Variants in SUGCT observed in about 807,000 individuals in gnomAD.
SUGCT encodes succinyl-CoA:glutarate-CoA transferase, also known as succinyl-CoA:glutarate CoA-transferase.
SUGCT carries 41 observed loss-of-function variants against 55.0 expected under a neutral mutation model. That is an observed-to-expected ratio of 0.74 (90% CI 0.58 to 0.97). The LOEUF (loss-of-function observed/expected upper bound fraction) is 0.97, where lower values mean the gene tolerates loss of function less well. Among genes scored for constraint, SUGCT ranks in the 50% least tolerant of loss-of-function variants. The probability of loss-of-function intolerance (pLI) is 0.00; values close to 1 mark genes in which losing one functional copy is unlikely to be tolerated. For missense variants in SUGCT, 568 were observed against 547.8 expected, an observed-to-expected ratio of 1.04 and a Z score of -0.37; for synonymous variants, 187 against 200.4, an observed-to-expected ratio of 0.93 and a Z score of 0.56.
the SUGCT span, among the ~76,000 whole-genome samples, chr7:40,870,978 A>G: frequency 4.6e-5 from 7 of 152,268 alleles, no homozygotes; most frequent in East Asian, 1.4e-3. Context: ...CTTTCTGTCA[A>G]TACAAGATGT....
chr7:40,417,578 A>G (rs1177575650), intron 9 of SUGCT, among the ~76,000 whole-genome samples: 3 of 151,848 alleles, frequency 2.0e-5, no homozygotes, highest in African/African-American at 7.2e-5. Context: ...ATGATTTTCC[A>G]TGTGTTGAAT....
intron 13 of SUGCT, among the ~76,000 whole-genome samples, chr7:40,827,076 T>C (rs1792352217): frequency 1.3e-5 from 2 of 152,080 alleles, no homozygotes; most frequent in Admixed American, 1.3e-4. Flanking sequence ...TCCTGACGAA[T>C]GAAAAGGAAT....
intron 13 of SUGCT, among the ~76,000 whole-genome samples, chr7:40,778,242 A>G (rs975418365): frequency 6.6e-6 from 1 of 151,040 alleles, no homozygotes; most frequent in African/African-American, 2.4e-5. Flanking sequence ...AGACTCTAGT[A>G]TACCTGTGCT....
At chr7:40,326,648 A>G (rs1309366704) in intron 9 of SUGCT, among the ~76,000 whole-genome samples, 1 of 152,188 alleles carries the variant, frequency 6.6e-6, no homozygotes, top group Non-Finnish European at 1.5e-5. Flanking sequence ...GCATTATTAA[A>G]ATTAATAGAG....
At chr7:40,867,098 G>A in the SUGCT span, among the ~76,000 whole-genome samples, 32,356 of 149,556 alleles carry the variant, frequency 0.22, 4,328 homozygotes, top group East Asian at 0.74. Context: ...TTTACAAGAC[G>A]CATCCATGTA....
intron 6 of SUGCT, among the ~76,000 whole-genome samples, chr7:40,223,694 G>T (rs1315475610): frequency 2.0e-5 from 3 of 152,064 alleles, no homozygotes; most frequent in South Asian, 4.2e-4. Context: ...TCTCACTTTG[G>T]GCAGTTCAAA....
chr7:40,594,324 A>T (rs980086014), intron 12 of SUGCT, among the ~76,000 whole-genome samples: 2 of 132,682 alleles, frequency 1.5e-5, no homozygotes, highest in East Asian at 2.5e-4. Context: ...TTAAAGTATA[A>T]AAAAAAAAAA....
chr7:40,521,309 T>A (rs1320693924), intron 12 of SUGCT, among the ~76,000 whole-genome samples: 1 of 152,168 alleles, frequency 6.6e-6, no homozygotes, highest in African/African-American at 2.4e-5. Flanking sequence ...GTGCTTTCCC[T>A]GCCTATCTTT....
chr7:40,156,432 C>T (rs192570023), intron 1 of SUGCT, among the ~76,000 whole-genome samples: 95 of 152,158 alleles, frequency 6.2e-4, no homozygotes, highest in African/African-American at 2.2e-3. Flanking sequence ...TACTGCACTC[C>T]AGCCTGGGCG....
intron 13 of SUGCT, among the ~76,000 whole-genome samples, chr7:40,762,770 T>G (rs1488466856): frequency 6.6e-6 from 1 of 152,118 alleles, no homozygotes; most frequent in Non-Finnish European, 1.5e-5. Context: ...CCAAGCTGAA[T>G]TATAGTAATA....
At chr7:40,375,359 A>G (rs1369546110) in intron 9 of SUGCT, among the ~76,000 whole-genome samples, 3 of 152,186 alleles carry the variant, frequency 2.0e-5, no homozygotes, top group Non-Finnish European at 2.9e-5. Context: ...AGTCCCTTTG[A>G]TTGGAAACTT....
chr7:40,985,038 G>A, the SUGCT span, among the ~76,000 whole-genome samples: 5 of 152,160 alleles, frequency 3.3e-5, no homozygotes, highest in South Asian at 2.1e-4. Context: ...CCATTTTTAC[G>A]TGGACAGGCT....
At chr7:40,208,686 A>G (rs2150785789) in intron 6 of SUGCT, among the ~76,000 whole-genome samples, 1 of 152,078 alleles carries the variant, frequency 6.6e-6, no homozygotes, top group Non-Finnish European at 1.5e-5. Context: ...CTGGGACTAC[A>G]GGTGCACACC....
At chr7:40,227,855 A>G (rs1788472279) in intron 6 of SUGCT, among the ~76,000 whole-genome samples, 2 of 150,672 alleles carry the variant, frequency 1.3e-5, no homozygotes, top group Non-Finnish European at 3.0e-5. Context: ...TATTTTATTT[A>G]TTTGTTATTT....
At chr7:40,941,731 T>G in the SUGCT span, among the ~76,000 whole-genome samples, 1 of 152,130 alleles carries the variant, frequency 6.6e-6, no homozygotes, top group East Asian at 1.9e-4. Flanking sequence ...AATAATTGTT[T>G]TATAAATCTG....
the SUGCT span, among the ~76,000 whole-genome samples, chr7:41,027,935 T>G: frequency 6.6e-6 from 1 of 152,176 alleles, no homozygotes; most frequent in East Asian, 1.9e-4. Context: ...ACCTTCTGCC[T>G]CTGTGCAAGC....
chr7:40,658,713 T>C (rs1801149402), intron 12 of SUGCT, among the ~76,000 whole-genome samples: 1 of 152,216 alleles, frequency 6.6e-6, no homozygotes, highest in African/African-American at 2.4e-5. Flanking sequence ...GTCCCCTTTG[T>C]TGTGAGTACT....
chr7:40,803,407 A>G (rs1348499415), intron 13 of SUGCT, among the ~76,000 whole-genome samples: 9 of 152,126 alleles, frequency 5.9e-5, no homozygotes, highest in South Asian at 2.1e-4. Context: ...GAGAGGTTCA[A>G]CTGTGCCTAA....
At chr7:40,245,001 C>A (rs1163421916) in intron 7 of SUGCT, among the ~76,000 whole-genome samples, 1 of 152,056 alleles carries the variant, frequency 6.6e-6, no homozygotes, top group Non-Finnish European at 1.5e-5. Flanking sequence ...TTTTTTGTAT[C>A]TTTCCAGAGA....
Sources: allele counts gnomAD v4.1 joint callset (sites outside exome capture counted in the v4.1 genomes callset), GRCh38; gene constraint gnomAD v4.1.1; transcripts MANE v1.5; gene names NCBI Gene and HGNC (gene_info 2026-07-23, HGNC 2026-07-21).